The following TCHP variants were observed in gnomAD, a reference collection of about 807,000 sequenced individuals.
TCHP encodes the protein trichoplein keratin filament binding, also known as trichoplein keratin filament-binding protein.
In TCHP, 81 loss-of-function variants were observed where a neutral mutation model predicts 88.7. The ratio of observed to expected loss-of-function variants is 0.91; its 90% CI spans 0.76 to 1.10. The LOEUF is 1.10. Ranked by LOEUF, TCHP falls within the 50% of genes least tolerant of loss-of-function variation. The pLI, the probability that TCHP is intolerant of heterozygous loss-of-function variation, is 0.00. For missense variants in TCHP, 641 were observed against 632.1 expected (o/e 1.01, Z -0.15); for synonymous variants, 232 against 232.5 (o/e 1.00, Z 0.02).
chr12:109,888,943 C>T, the TCHP span, among the ~76,000 whole-genome samples: 207 of 151,454 alleles, frequency 1.4e-3, no homozygotes, highest in Non-Finnish European at 2.5e-3. Flanking sequence ...TGCCTGTAAT[C>T]TTAGTTACTT....
chr12:109,881,350 T>C, the TCHP span, among the ~76,000 whole-genome samples: 1 of 152,178 alleles, frequency 6.6e-6, no homozygotes, highest in Non-Finnish European at 1.5e-5. Flanking sequence ...TTCACATTCA[T>C]CCTCTCCCAC....
chr12:109,905,542 G>A lies in TCHP; in HGVS notation c.456+749G>A, dbSNP rs927323031. ...GTGAAGGCCTGAACTGGGCTGGCAG[G>A]GGAGGGGGTGGCCTCTTGGCTTGGT... On this transcript the variant is annotated intron_variant, in intron 4 of 12. Coordinates refer to ENST00000405876, the MANE Select transcript of TCHP (RefSeq NM_001143852.2). This position sits in a 1 kb window ranked among gnomAD's most constrained non-coding sequence, Gnocchi z 4.0. 6.6e-6 allele frequency among the ~76,000 whole-genome samples: 1 copy of A among 152,242 alleles called. No individual in the cohort carries two copies. Among genetic ancestry groups the A allele is most frequent in the African/African-American group, 2.4e-5 (1 of 41,464 alleles).
upstream of TCHP, among the ~76,000 whole-genome samples, chr12:109,897,539 TTTTTC>T (rs1422336018): frequency 6.9e-6 from 1 of 145,374 alleles, no homozygotes; most frequent in African/African-American, 2.8e-5. Context: ...CACATATTTC[TTTTTC>T]TTTTCTTTTC....
intron 9 of TCHP, 45 bp downstream of exon 9, chr12:109,911,280 T>A: frequency 1.8e-6 from 2 of 1,120,818 alleles, no homozygotes; most frequent in Non-Finnish European, 2.5e-6. Flanking sequence ...TGGCCTCAAC[T>A]CTGATACCTT....
At chr12:109,891,654 G>A in the TCHP span, among the ~76,000 whole-genome samples, 1 of 151,854 alleles carries the variant, frequency 6.6e-6, no homozygotes, top group African/African-American at 2.4e-5. Context: ...ACCTGCCTTG[G>A]CTTCCCAAAG....
chr12:109,885,478 G>GGTTTTTT, the TCHP span, among the ~76,000 whole-genome samples: 1 of 118,176 alleles, frequency 8.5e-6, no homozygotes, highest in African/African-American at 3.3e-5. Flanking sequence ...AAATCTGATG[G>GGTTTTTT]TTTTTTTTTT....
intron 1 of TCHP, chr12:109,901,058 A>G (rs1043170242): frequency 6.6e-6 from 1 of 152,238 alleles, no homozygotes; most frequent in Admixed American, 6.5e-5. Flanking sequence ...GCAAGATGAA[A>G]GGTCTGTCCT....
intron 6 of TCHP, among the ~76,000 whole-genome samples, chr12:109,908,263 A>G (rs1335326981): frequency 6.6e-6 from 1 of 152,154 alleles, no homozygotes; most frequent in East Asian, 1.9e-4. Context: ...GTTGGGAACT[A>G]GAGATAGAGC....
At chr12:109,894,889 T>A in the TCHP span, among the ~76,000 whole-genome samples, 1 of 151,254 alleles carries the variant, frequency 6.6e-6, no homozygotes, top group Non-Finnish European at 1.5e-5. Context: ...GAGGTCACAC[T>A]GTGACTAGGA....
chr12:109,906,463 G>C lies in TCHP; in HGVS notation c.457-109G>C, dbSNP rs60370468. 1.2e-3 allele frequency: 1,185 copies of C among 970,544 alleles called. 6 individuals are homozygous for C. The African/African-American group carries it at 0.017, about 14-fold the overall frequency. The allele number at this position is 970,544 out of a possible 1,614,324, so 60.1% of individuals were successfully genotyped here. On this transcript the variant is annotated intron_variant, in intron 4 of 12. Coordinates refer to ENST00000405876, the MANE Select transcript of TCHP (RefSeq NM_001143852.2). ...CTGTGCCACTGAGTCCCCATGAAGC[G>C]AAGTCATGGCCACGTTCCCGCAGGT...
intron 12 of TCHP, 117 bp from the exon 13 acceptor site, chr12:109,916,474 C>T: frequency 8.8e-7 from 1 of 1,139,292 alleles, no homozygotes; most frequent in Non-Finnish European, 1.2e-6. Context: ...ATTTTTTCAG[C>T]TGGAAATGAA....
chr12:109,887,006 C>T, the TCHP span, among the ~76,000 whole-genome samples: 1 of 152,198 alleles, frequency 6.6e-6, no homozygotes, highest in African/African-American at 2.4e-5. Context: ...TGCGCCCGGC[C>T]TAGATGTGCT....
chr12:109,916,570 ATG>A lies in TCHP; in HGVS notation c.1465-19_1465-18del. ...AGATACTGCTGATCTGATCACTCTT[ATG>A]TTTTCTTTCTTTTCTCAGCCTTACG... On this transcript the variant is annotated intron_variant, in intron 12 of 12. Transcript: ENST00000405876. The A allele has an allele frequency of 2.5e-6, 4 of 1,611,836 alleles. No homozygotes were observed. The highest frequency in any genetic ancestry group is 3.4e-6 in the Non-Finnish European group (4 of 1,179,032).
In TCHP at chr12:109,917,794, C is replaced by G. The variant is rs928640925; in HGVS notation, c.*1171C>G. On this transcript the variant is annotated 3_prime_UTR_variant, in exon 13 of 13. Coordinates refer to ENST00000405876, the MANE Select transcript of TCHP (RefSeq NM_001143852.2). ...TCACATTATGTTCAAGATTCCATAT[C>G]TCCGTAAATTACAGCTAATTACAGG... The G allele has an allele frequency of 6.6e-6, 1 of 152,604 alleles. No homozygotes were observed. Among genetic ancestry groups the G allele is most frequent in the African/African-American group, 2.4e-5 (1 of 41,434 alleles). The allele number at this position is 152,604 out of a possible 1,614,324, so 9.5% of individuals were successfully genotyped here.
At chr12:109,885,088 C>G in the TCHP span, among the ~76,000 whole-genome samples, 50 of 152,316 alleles carry the variant, frequency 3.3e-4, no homozygotes, top group African/African-American at 1.2e-3. Flanking sequence ...CCTGCCTCAG[C>G]CTCCCGGGTA....
rs1199044325 is a variant in TCHP at position 109,900,343 on chromosome 12, A to C, written c.-84A>C. ...CGTTGCTGTAGCGCGTCTGGGAATT[A>C]CACCGGGGGACTGGCCGGCCCGCTT... On this transcript the variant is annotated 5_prime_UTR_variant, in exon 1 of 13. Coordinates refer to ENST00000405876, the MANE Select transcript of TCHP (RefSeq NM_001143852.2). 1 of 152,186 alleles carries C rather than the reference A, an allele frequency of 6.6e-6. No individual in the cohort carries two copies. The highest frequency in any genetic ancestry group is 1.5e-5 in the Non-Finnish European group (1 of 68,044). 9.4% of individuals were successfully genotyped at this position (152,186 alleles called of 1,614,324 possible).
rs142436521 is a variant in TCHP, at chr12:109,908,667, A to T, written c.781A>T (p.Met261Leu). Reference sequence around the variant, plus strand: ...GAGGCTGGAGGAAGAGCGAAAGCAGATGGAAGCCTTCCGGCAGAAGGCAGA... The same window carrying T: ...GAGGCTGGAGGAAGAGCGAAAGCAGTTGGAAGCCTTCCGGCAGAAGGCAGA... ...LERLEEERKQ[M>L]EAFRQKAELG... The change falls in exon 7 of 13, where the codon ATG becomes TTG. Residue 261 changes from methionine to leucine, a missense_variant. Physicochemically the swap from Met to Leu is conservative, Grantham distance 15 (BLOSUM62 2). Coordinates refer to ENST00000405876, the MANE Select transcript of TCHP (RefSeq NM_001143852.2). The T allele has an allele frequency of 2.1e-4, 339 of 1,599,524 alleles. 4 individuals carry two copies. The South Asian group carries it at 3.5e-3, about 17-fold the overall frequency.
At chr12:109,915,185 G>A (rs1049910058) in intron 11 of TCHP, 9 of 628,072 alleles carry the variant, frequency 1.4e-5, no homozygotes, top group African/African-American at 7.4e-5. Flanking sequence ...CGAGGTAAGC[G>A]CCACGCATAC....
At position 109,912,977 on chromosome 12, in the gene TCHP, T is replaced by C; in HGVS notation, c.1053-14T>C. 1 of 1,612,782 alleles carries C rather than the reference T, an allele frequency of 6.2e-7. No individual in the cohort carries two copies. The highest frequency in any genetic ancestry group is 8.5e-7 in the Non-Finnish European group (1 of 1,179,112). ...GGGGAGGAGCCTGCTGTCATCCCTTTTGTGTTTGCCCAGGGAGGAGGCCAA... is the reference window on the plus strand; with the variant it reads ...GGGGAGGAGCCTGCTGTCATCCCTTCTGTGTTTGCCCAGGGAGGAGGCCAA... On this transcript the variant is annotated splice_polypyrimidine_tract_variant and intron_variant, in intron 9 of 12. Coordinates refer to ENST00000405876, the MANE Select transcript of TCHP (RefSeq NM_001143852.2).
Sources: allele counts gnomAD v4.1 joint callset (sites outside exome capture counted in the v4.1 genomes callset), GRCh38; gene constraint gnomAD v4.1.1; non-coding constraint Gnocchi (gnomAD v3.1); transcripts MANE v1.5; gene names NCBI Gene and HGNC (gene_info 2026-07-23, HGNC 2026-07-21).